NEGR1: variants seen among roughly 807,000 people sequenced by gnomAD.
The protein encoded by NEGR1 is neuronal growth regulator 1.
A neutral mutation model predicts 40.9 loss-of-function variants in NEGR1; 10 were observed. The ratio of observed to expected loss-of-function variants is 0.24; its 90% CI spans 0.15 to 0.42. The LOEUF is 0.42. NEGR1 is among the 10% of genes least tolerant of loss of function. The probability of loss-of-function intolerance (pLI) is 1.00; values close to 1 mark genes in which losing one functional copy is unlikely to be tolerated. For missense variants in NEGR1, 352 were observed against 438.9 expected (o/e 0.80, Z 1.77); for synonymous variants, 185 against 166.8 (o/e 1.11, Z -0.84).
intron 3 of NEGR1, among the ~76,000 whole-genome samples, chr1:71,754,349 A>ATTTG: frequency 6.6e-6 from 1 of 152,294 alleles, no homozygotes; most frequent in East Asian, 1.9e-4. Flanking sequence ...TTCCTTTAAG[A>ATTTG]TACATTAGCG....
At chr1:72,193,340 T>C (rs538874778) in intron 1 of NEGR1, among the ~76,000 whole-genome samples, 91 of 152,008 alleles carry the variant, frequency 6.0e-4, no homozygotes, top group African/African-American at 2.1e-3. Context: ...TAATATAATG[T>C]GCATAAAGTA....
chr1:71,426,824 A>T (rs1646431684), intron 6 of NEGR1, among the ~76,000 whole-genome samples: 1 of 152,212 alleles, frequency 6.6e-6, no homozygotes, highest in Non-Finnish European at 1.5e-5. Flanking sequence ...TTAAAAAAAA[A>T]TACAAAACAT....
At chr1:71,445,493 A>G (rs945179982) in intron 6 of NEGR1, among the ~76,000 whole-genome samples, 6 of 152,082 alleles carry the variant, frequency 3.9e-5, no homozygotes, top group Non-Finnish European at 8.8e-5. Context: ...AGGCTGAGGA[A>G]CTATAAAAGG....
At chr1:71,678,437 T>C (rs1652716586) in intron 4 of NEGR1, among the ~76,000 whole-genome samples, 1 of 152,178 alleles carries the variant, frequency 6.6e-6, no homozygotes, top group African/African-American at 2.4e-5. Context: ...ATACAGTAAG[T>C]AATGAACTTT....
intron 3 of NEGR1, among the ~76,000 whole-genome samples, chr1:71,733,410 A>G (rs1231633560): frequency 6.6e-6 from 1 of 152,162 alleles, no homozygotes; most frequent in African/African-American, 2.4e-5. Flanking sequence ...GCCAAATGAG[A>G]AAGAACACTC....
chr1:72,195,607 G>A (rs1381602254), intron 1 of NEGR1, among the ~76,000 whole-genome samples: 1 of 150,362 alleles, frequency 6.7e-6, no homozygotes, highest in East Asian at 2.0e-4. Context: ...TTATTTGTAT[G>A]TTTCTGCAAA....
intron 6 of NEGR1, among the ~76,000 whole-genome samples, chr1:71,471,876 G>A (rs1404697249): frequency 6.6e-6 from 1 of 151,940 alleles, no homozygotes; most frequent in Non-Finnish European, 1.5e-5. Context: ...ACAACGTCCC[G>A]GTATTCCTTC....
intron 1 of NEGR1, among the ~76,000 whole-genome samples, chr1:72,136,387 G>T (rs1374297739): frequency 6.6e-6 from 1 of 151,760 alleles, no homozygotes; most frequent in Non-Finnish European, 1.5e-5. Context: ...CACAGTAATA[G>T]AAACCACCCA....
chr1:71,654,067 T>C (rs1054528562), intron 4 of NEGR1, among the ~76,000 whole-genome samples: 5 of 152,144 alleles, frequency 3.3e-5, no homozygotes, highest in African/African-American at 1.2e-4. Context: ...TCAAGTCATA[T>C]TGATAAGCGA....
At chr1:71,546,834 T>G (rs917919522) in intron 6 of NEGR1, among the ~76,000 whole-genome samples, 25 of 151,604 alleles carry the variant, frequency 1.6e-4, no homozygotes, top group African/African-American at 6.0e-4. Context: ...CCTGCAGGAC[T>G]TGAGGAACAA....
chr1:72,069,312 C>T (rs1221250903), intron 1 of NEGR1, among the ~76,000 whole-genome samples: 1 of 151,898 alleles, frequency 6.6e-6, no homozygotes, highest in Non-Finnish European at 1.5e-5. Context: ...GGCATGGAGG[C>T]ACACTCCTGT....
intron 2 of NEGR1, among the ~76,000 whole-genome samples, chr1:71,779,599 G>T (rs1299405700): frequency 6.6e-6 from 1 of 150,826 alleles, no homozygotes; most frequent in African/African-American, 2.4e-5. Flanking sequence ...AGAGTCTCTC[G>T]CTCTGTCTCC....
chr1:72,035,897 T>A (rs1029274365), intron 1 of NEGR1, among the ~76,000 whole-genome samples: 1 of 152,196 alleles, frequency 6.6e-6, no homozygotes, highest in African/African-American at 2.4e-5. Context: ...AGAATTAAGA[T>A]CATTTCATAT....
At chr1:71,773,942 G>A (rs1570327729) in intron 3 of NEGR1, among the ~76,000 whole-genome samples, 1 of 152,064 alleles carries the variant, frequency 6.6e-6, no homozygotes, top group East Asian at 1.9e-4. Flanking sequence ...CTGCAAAGCA[G>A]GAGAGTTAAA....
intron 4 of NEGR1, among the ~76,000 whole-genome samples, chr1:71,616,454 C>T (rs74740240): frequency 0.024 from 3,729 of 152,270 alleles, 102 homozygotes; most frequent in Admixed American, 0.071. Context: ...TGGGGAGTGG[C>T]TGCAAATACA....
chr1:72,247,691 C>A (rs1654946132), intron 1 of NEGR1, among the ~76,000 whole-genome samples: 1 of 152,186 alleles, frequency 6.6e-6, no homozygotes, highest in African/African-American at 2.4e-5. Flanking sequence ...TTCCCTTCTT[C>A]CTGTCTTCTT....
chr1:72,065,431 GTGAAAC>G (rs984648357), intron 1 of NEGR1, among the ~76,000 whole-genome samples: 60 of 152,054 alleles, frequency 3.9e-4, no homozygotes, highest in African/African-American at 1.3e-3. Flanking sequence ...AGATTTAGAT[GTGAAAC>G]TGACATTGCT....
intron 1 of NEGR1, among the ~76,000 whole-genome samples, chr1:72,039,577 T>C (rs1353353716): frequency 6.6e-6 from 1 of 151,930 alleles, no homozygotes; most frequent in East Asian, 1.9e-4. Flanking sequence ...ACAACAAAAT[T>C]ATTTGTATTT....
chr1:71,498,746 A>G (rs1289831107), intron 6 of NEGR1, among the ~76,000 whole-genome samples: 1 of 152,104 alleles, frequency 6.6e-6, no homozygotes, highest in Non-Finnish European at 1.5e-5. Context: ...TGATTATGCA[A>G]TCTGCCAAGC....
Sources: allele counts gnomAD v4.1 joint callset (sites outside exome capture counted in the v4.1 genomes callset), GRCh38; gene constraint gnomAD v4.1.1; transcripts MANE v1.5; gene names NCBI Gene and HGNC (gene_info 2026-07-23, HGNC 2026-07-21).